The following STK32C variants were observed in gnomAD, a reference collection of about 807,000 sequenced individuals.
STK32C encodes the protein serine/threonine-protein kinase 32C.
STK32C carries 31 observed loss-of-function variants against 56.5 expected under a neutral mutation model. The ratio of observed to expected loss-of-function variants is 0.55; its 90% CI spans 0.41 to 0.74. The LOEUF is 0.74. STK32C is among the 30% of genes least tolerant of loss of function. The pLI, the probability that STK32C is intolerant of heterozygous loss-of-function variation, is 0.00. For synonymous variants in STK32C, 309 were observed against 289.4 expected (o/e 1.07, Z -0.69); for missense variants, 544 against 676.9 (o/e 0.80, Z 2.18).
chr10:132,242,552 C>T (rs1409818403), intron 2 of STK32C, among the ~76,000 whole-genome samples: 1 of 151,996 alleles, frequency 6.6e-6, no homozygotes. Context: ...GGAGAGGGGC[C>T]AGGATCCACC....
intron 2 of STK32C, among the ~76,000 whole-genome samples, chr10:132,238,378 TGCCACACCGTGGG>T (rs1469424164): frequency 2.0e-5 from 3 of 151,768 alleles, no homozygotes; most frequent in Non-Finnish European, 4.4e-5. Flanking sequence ...AGGAGGGGCA[TGCCACACCGTGGG>T]GCCACACAGC....
At chr10:132,223,111 C>T (rs955538196) in intron 8 of STK32C, 125 bp from the exon 9 acceptor site, 61 of 1,289,402 alleles carry the variant, frequency 4.7e-5, no homozygotes, top group Middle Eastern at 2.8e-4. Flanking sequence ...AATTCAGGAA[C>T]CTCAGGGCCA....
At chr10:132,242,980 G>C (rs1471501766) in intron 2 of STK32C, among the ~76,000 whole-genome samples, 1 of 152,158 alleles carries the variant, frequency 6.6e-6, no homozygotes, top group Non-Finnish European at 1.5e-5. Flanking sequence ...TCCAGAGATG[G>C]GGCCCACCTT....
rs370594790 is a variant in STK32C at position 132,287,401 on chromosome 10, G to A, written c.262+20171C>T. 7.0e-3 allele frequency among the ~76,000 whole-genome samples: 149 copies of A among 21,266 alleles called. No individual in the cohort carries two copies. The South Asian group carries it at 0.24, about 34-fold the overall frequency. 14.0% of individuals were successfully genotyped at this position (21,266 alleles called of 152,430 possible). A position where few individuals can be genotyped will look rare whatever the true frequency, so the allele number is the denominator to read the frequency against. ...ACCTACTTGGGAGGCTGAGGCAAGA[G>A]AATCACTTGAACCCGGGAGTGGAGG... On this transcript the variant is annotated intron_variant, in intron 1 of 11. Coordinates refer to ENST00000298630, the MANE Select transcript of STK32C (RefSeq NM_173575.4).
Position 132,225,562 on chromosome 10 carries a change from C to A in STK32C, c.737G>T (p.Arg246Leu), listed in dbSNP as rs572056252. ...NIATIIKDGE[R>L]ATALAGTKPY... ...CTTGGTGCCTGCTAATGCCGTCGCC[C>A]GCTCCCCGTCCTTGATGATGGTGGC... is the stretch of plus-strand genomic sequence containing the variant. Residue 246 changes from arginine (R) to leucine (L), a missense_variant, in exon 6 of 12, where the codon CGG becomes CTG. Around this residue, in one of 3 missense-constraint regions of STK32C, gnomAD observed 85 missense variants for 149.9 expected, o/e 0.57. Coordinates refer to ENST00000298630, the MANE Select transcript of STK32C (RefSeq NM_173575.4). 3 of 1,613,856 alleles carry A rather than the reference C, an allele frequency of 1.9e-6. No homozygotes were observed. The highest frequency in any genetic ancestry group is 2.2e-5 in the East Asian group (1 of 44,890).
chr10:132,209,455 A>G lies in STK32C; in HGVS notation c.1252-354T>C, dbSNP rs538520749. Reference sequence around the variant, plus strand: ...TTCCCGTCTCATACCGGGTTCTCCCAGCCCCTCATCACAGCACACACACAC... The same window carrying G: ...TTCCCGTCTCATACCGGGTTCTCCCGGCCCCTCATCACAGCACACACACAC... On this transcript the variant is annotated intron_variant, in intron 10 of 11. Coordinates refer to ENST00000298630, the MANE Select transcript of STK32C (RefSeq NM_173575.4). 29 of 461,900 alleles carry G rather than the reference A, an allele frequency of 6.3e-5. No homozygotes were observed. The East Asian group carries it at 1.4e-3, about 22-fold the overall frequency. The allele number at this position is 461,900 out of a possible 1,614,324, so 28.6% of individuals were successfully genotyped here.
At chr10:132,225,134 C>A (rs1197080929) in intron 7 of STK32C, 99 bp downstream of exon 7, 16 of 883,458 alleles carry the variant, frequency 1.8e-5, no homozygotes, top group Non-Finnish European at 2.6e-5. Context: ...GACATCCCTG[C>A]GCACCTGGAC....
rs1447457641 is a variant in STK32C, at chr10:132,307,399, C to A, written c.262+173G>T. ...ACTAGAAACGGAGGACGCGGGCGGG[C>A]GCCCAGAACTCGCGTGGGGCCGCAG... is the stretch of plus-strand genomic sequence containing the variant. On this transcript the variant is annotated intron_variant, in intron 1 of 11. Transcript: ENST00000298630. This position sits in a 1 kb window ranked among gnomAD's most constrained non-coding sequence, Gnocchi z 4.4. 6.6e-6 allele frequency among the ~76,000 whole-genome samples: 1 copy of A among 151,808 alleles called. No homozygotes were observed. Among genetic ancestry groups the A allele is most frequent in the East Asian group, 2.0e-4 (1 of 5,124 alleles).
At chr10:132,279,381 C>T (rs2065084922) in intron 1 of STK32C, among the ~76,000 whole-genome samples, 1 of 152,110 alleles carries the variant, frequency 6.6e-6, no homozygotes, top group African/African-American at 2.4e-5. Flanking sequence ...AAAGCCTTTG[C>T]AGGAGTCCAG....
intron 2 of STK32C, among the ~76,000 whole-genome samples, chr10:132,235,316 T>TA (rs1298514343): frequency 6.6e-6 from 1 of 151,646 alleles, no homozygotes; most frequent in Non-Finnish European, 1.5e-5. Flanking sequence ...GACAACATGG[T>TA]AAAACCCCGT....
chr10:132,299,810 C>T (rs368360411), intron 1 of STK32C, among the ~76,000 whole-genome samples: 8 of 152,218 alleles, frequency 5.3e-5, no homozygotes, highest in African/African-American at 1.2e-4. Flanking sequence ...TTGAGAAACG[C>T]GGTGCCAGGA....
At chr10:132,209,713 G>A (rs944646791) in intron 10 of STK32C, among the ~76,000 whole-genome samples, 7 of 152,228 alleles carry the variant, frequency 4.6e-5, no homozygotes, top group East Asian at 1.9e-4. Context: ...GCCGCTCAGC[G>A]CTGGCATGGT....
At position 132,302,678 on chromosome 10, in the gene STK32C, A is replaced by G. The variant is rs868650639; in HGVS notation, c.262+4894T>C. On this transcript the variant is annotated intron_variant, in intron 1 of 11. Coordinates refer to ENST00000298630, the MANE Select transcript of STK32C (RefSeq NM_173575.4). ...TGCCTCACAGGGTCAGGAGGCAAGG[A>G]AAGAGCACCCTCCAAAATGCGAGTC... is the stretch of plus-strand genomic sequence containing the variant. Among the ~76,000 whole-genome samples the G allele has an allele frequency of 5.3e-4, 81 of 152,268 alleles. 1 individual carries two copies. The highest frequency in any genetic ancestry group is 1.8e-3 in the African/African-American group (74 of 41,556).
chr10:132,277,253 G>C (rs777220960), intron 1 of STK32C, among the ~76,000 whole-genome samples: 2 of 152,096 alleles, frequency 1.3e-5, no homozygotes, highest in African/African-American at 2.4e-5. Context: ...GGCCCTCCAC[G>C]AGAGCCGCTG....
At chr10:132,272,789 A>G (rs1564764903) in intron 1 of STK32C, among the ~76,000 whole-genome samples, 1 of 151,802 alleles carries the variant, frequency 6.6e-6, no homozygotes, top group Non-Finnish European at 1.5e-5. Context: ...AAGGCTCCAC[A>G]CTCCCATTTC....
At chr10:132,246,841 C>T (rs1282584177) in intron 1 of STK32C, among the ~76,000 whole-genome samples, 1 of 152,140 alleles carries the variant, frequency 6.6e-6, no homozygotes, top group African/African-American at 2.4e-5. Context: ...CCAGCAGCTG[C>T]CTCCACTTGT....
At chr10:132,250,184 G>T (rs577387172) in intron 1 of STK32C, among the ~76,000 whole-genome samples, 1 of 152,312 alleles carries the variant, frequency 6.6e-6, no homozygotes, top group South Asian at 2.1e-4. Context: ...CAGAGCCCAG[G>T]GTGGCACTGG....
At chr10:132,313,033 C>T (rs962909365) in intron 1 of STK32C, among the ~76,000 whole-genome samples, 3 of 152,186 alleles carry the variant, frequency 2.0e-5, no homozygotes, top group Admixed American at 6.5e-5. Flanking sequence ...GAGCGAGACT[C>T]TGTCTCAAAA....
chr10:132,292,062 G>C (rs1281160331), intron 1 of STK32C, among the ~76,000 whole-genome samples: 2 of 152,128 alleles, frequency 1.3e-5, no homozygotes, highest in Admixed American at 1.3e-4. Flanking sequence ...CTCCTACAGG[G>C]ACTGAGCACC....
Sources: allele counts gnomAD v4.1 joint callset (sites outside exome capture counted in the v4.1 genomes callset), GRCh38; gene constraint gnomAD v4.1.1; regional missense constraint gnomAD v4.1.1; non-coding constraint Gnocchi (gnomAD v3.1); transcripts MANE v1.5; gene names NCBI Gene and HGNC (gene_info 2026-07-23, HGNC 2026-07-21).